SPC25: variants seen among roughly 807,000 people sequenced by gnomAD.
The protein encoded by SPC25 is SPC25 component of NDC80 kinetochore complex.
SPC25 carries 22 observed loss-of-function variants against 29.6 expected under a neutral mutation model. The observed-to-expected ratio is 0.74, with a 90% CI of 0.53 to 1.06. The LOEUF (loss-of-function observed/expected upper bound fraction) is 1.06. Among genes scored for constraint, SPC25 ranks in the 50% least tolerant of loss-of-function variants. The pLI is 0.00. For missense variants in SPC25, 230 were observed against 255.8 expected (o/e 0.90, Z 0.69); for synonymous variants, 91 against 90.4 (o/e 1.01, Z -0.04).
chr2:168,876,015 T>C, intron 5 of SPC25, 57 bp downstream of exon 5: 1 of 1,014,516 alleles, frequency 9.9e-7, no homozygotes, highest in South Asian at 2.7e-5. Context: ...TTTCCTCTAC[T>C]TAAGAAAAGA....
At chr2:168,879,871 C>T (rs778700616) in intron 3 of SPC25, among the ~76,000 whole-genome samples, 2 of 152,200 alleles carry the variant, frequency 1.3e-5, no homozygotes, top group South Asian at 2.1e-4. Flanking sequence ...TCTCCATCAG[C>T]GCTCTTGAGT....
In SPC25 at chr2:168,871,304, T is replaced by C. The variant is rs1167317739; in HGVS notation, c.*127A>G. On this transcript the variant is annotated 3_prime_UTR_variant, in exon 7 of 7. Coordinates refer to ENST00000282074, the MANE Select transcript of SPC25 (RefSeq NM_020675.4). ...CACCAATATGGCACATGTATACATA[T>C]GTAACAAACCTGCACATTGTGCACA... is the stretch of plus-strand genomic sequence containing the variant. The C allele has an allele frequency of 9.1e-6, 8 of 877,834 alleles. No individual in the cohort carries two copies. Among genetic ancestry groups the C allele is most frequent in the African/African-American group, 1.7e-5 (1 of 57,484 alleles). The allele number at this position is 877,834 out of a possible 1,614,324, so 54.4% of individuals were successfully genotyped here.
rs778289795 is a variant in SPC25, at chr2:168,889,418, A to G, written c.102T>C (p.Asp34=). 1.2e-5 allele frequency: 19 copies of G among 1,614,066 alleles called. No homozygotes were observed. In the South Asian group the frequency reaches 1.3e-4, roughly 11 times the overall value. ...DTSCQMAGLR[D]TYKDSIKAFA... ...ATGCTTTGATGGAATCCTTGTAGGT[A>G]TCTCTTAGTCCCGCCATCTGACAGG... Residue 34 remains aspartate, a synonymous_variant, in exon 2 of 7, where the codon GAT becomes GAC. Coordinates refer to ENST00000282074, the MANE Select transcript of SPC25 (RefSeq NM_020675.4).
intron 4 of SPC25, chr2:168,863,523 T>G: frequency 1.0e-6 from 1 of 985,386 alleles, no homozygotes; most frequent in Non-Finnish European, 1.2e-6. Context: ...AGAGCCATGT[T>G]TCTTGTCCAA....
At chr2:168,872,227 C>CA (rs1272690078) in intron 6 of SPC25, among the ~76,000 whole-genome samples, 2 of 152,208 alleles carry the variant, frequency 1.3e-5, no homozygotes, top group African/African-American at 4.8e-5. Flanking sequence ...CTCTGCCTCC[C>CA]AAAGTGCTGG....
intron 4 of SPC25, among the ~76,000 whole-genome samples, chr2:168,862,544 G>C (rs1296371772): frequency 1.6e-5 from 1 of 60,626 alleles, no homozygotes; most frequent in Non-Finnish European, 4.9e-5. Flanking sequence ...TCAACTTAGT[G>C]TAAGTAAGTG....
At chr2:168,872,513 T>G (rs892480884) in intron 6 of SPC25, among the ~76,000 whole-genome samples, 3 of 152,122 alleles carry the variant, frequency 2.0e-5, no homozygotes, top group Admixed American at 6.5e-5. Flanking sequence ...GAAAAGAAAT[T>G]CACCCATTAT....
At chr2:168,864,467 G>A (rs1689723665) in intron 4 of SPC25, among the ~76,000 whole-genome samples, 1 of 148,966 alleles carries the variant, frequency 6.7e-6, no homozygotes, top group Non-Finnish European at 1.5e-5. Context: ...TGTATTTTTA[G>A]CAGAGAAGGG....
At chr2:168,886,814 C>T (rs186424913) in intron 3 of SPC25, among the ~76,000 whole-genome samples, 56 of 152,206 alleles carry the variant, frequency 3.7e-4, no homozygotes, top group Admixed American at 1.2e-3. Context: ...CCACCCCGCC[C>T]GGCCAAGTAT....
chr2:168,889,672 G>A, intron 1 of SPC25, 139 bp from the exon 2 acceptor site: 1 of 890,286 alleles, frequency 1.1e-6, no homozygotes, highest in East Asian at 2.7e-5. Context: ...GTATTCAAGG[G>A]TAGATCAAGC....
At chr2:168,861,928 C>T in intron 4 of SPC25, 1 of 1,597,172 alleles carries the variant, frequency 6.3e-7, no homozygotes, top group African/African-American at 1.3e-5. Flanking sequence ...CCTGCTAACA[C>T]AGCATACTAA....
At chr2:168,869,678 C>G (rs962524642), downstream of SPC25, among the ~76,000 whole-genome samples, 1 of 152,150 alleles carries the variant, frequency 6.6e-6, no homozygotes, top group African/African-American at 2.4e-5. Flanking sequence ...TCAAGGAGAA[C>G]TACAACCACT....
At chr2:168,882,441 CT>C (rs1264683560) in intron 3 of SPC25, among the ~76,000 whole-genome samples, 1 of 152,166 alleles carries the variant, frequency 6.6e-6, no homozygotes, top group Non-Finnish European at 1.5e-5. Context: ...CTCGTCTCTG[CT>C]AAAAATACAA....
At chr2:168,864,982 G>C (rs370163673) in intron 4 of SPC25, 2 of 1,613,568 alleles carry the variant, frequency 1.2e-6, no homozygotes, top group Admixed American at 1.7e-5. Context: ...ACAAGACTCT[G>C]AACATACTAC....
chr2:168,862,466 T>G (rs1390969705), intron 4 of SPC25, among the ~76,000 whole-genome samples: 1 of 152,214 alleles, frequency 6.6e-6, no homozygotes, highest in Non-Finnish European at 1.5e-5. Context: ...GGAAAGTGAT[T>G]AGAGATGTAC....
chr2:168,868,407 G>C (rs1689912831), downstream of SPC25, among the ~76,000 whole-genome samples: 1 of 151,888 alleles, frequency 6.6e-6, no homozygotes, highest in Admixed American at 6.6e-5. Context: ...AAAAATCAAT[G>C]AATCCAGGAG....
intron 3 of SPC25, among the ~76,000 whole-genome samples, chr2:168,882,482 G>A (rs2105831616): frequency 6.6e-6 from 1 of 152,332 alleles, no homozygotes; most frequent in East Asian, 1.9e-4. Flanking sequence ...GCGTGTGCCT[G>A]TAATTCCAGC....
At chr2:168,881,121 A>G (rs1191734216) in intron 3 of SPC25, among the ~76,000 whole-genome samples, 1 of 152,228 alleles carries the variant, frequency 6.6e-6, no homozygotes, top group Non-Finnish European at 1.5e-5. Flanking sequence ...GAAGTGCAAT[A>G]AAACAAGGTA....
chr2:168,874,301 T>G (rs1690048312), intron 5 of SPC25, among the ~76,000 whole-genome samples: 1 of 152,188 alleles, frequency 6.6e-6, no homozygotes, highest in Non-Finnish European at 1.5e-5. Context: ...GTACAGCCAC[T>G]GTGAAAAACA....
Sources: gnomAD v4.1 joint callset for allele counts (sites outside exome capture counted in the v4.1 genomes callset) on GRCh38, gnomAD v4.1.1 for gene constraint, MANE v1.5 for transcripts, NCBI Gene and HGNC (gene_info 2026-07-23, HGNC 2026-07-21) for gene names.